The following C1orf21 variants were observed in gnomAD, a reference collection of about 807,000 sequenced individuals.
C1orf21 encodes uncharacterized protein C1orf21.
A neutral mutation model predicts 18.7 loss-of-function variants in C1orf21; 3 were observed. The ratio of observed to expected loss-of-function variants is 0.16; its 90% CI spans 0.07 to 0.42. The LOEUF is 0.42. C1orf21 is among the 10% of genes least tolerant of loss of function. The pLI is 0.99. For synonymous variants in C1orf21, 41 were observed against 46.4 expected (o/e 0.88, Z 0.47); for missense variants, 104 against 143.6 (o/e 0.72, Z 1.41).
chr1:184,487,152 T>A (rs1657744712), intron 2 of C1orf21, among the ~76,000 whole-genome samples: 1 of 152,214 alleles, frequency 6.6e-6, no homozygotes, highest in Admixed American at 6.5e-5. Context: ...CACTACAGAT[T>A]CAGACATTCA....
intron 1 of C1orf21, among the ~76,000 whole-genome samples, chr1:184,398,030 G>A (rs10797964): frequency 0.55 from 83,924 of 151,904 alleles, 26,334 homozygotes; most frequent in African/African-American, 0.88. Context: ...CCACTGAGAG[G>A]GTCAAGGAGA....
intron 2 of C1orf21, among the ~76,000 whole-genome samples, chr1:184,504,261 G>T (rs1200317340): frequency 1.3e-5 from 2 of 152,128 alleles, no homozygotes; most frequent in Non-Finnish European, 2.9e-5. Context: ...GAAAAATTGG[G>T]AACAGGTGCA....
At chr1:184,435,661 C>G (rs1262116172) in intron 1 of C1orf21, among the ~76,000 whole-genome samples, 1 of 152,058 alleles carries the variant, frequency 6.6e-6, no homozygotes, top group Non-Finnish European at 1.5e-5. Context: ...GTATTTGAAG[C>G]AAGAGACTGG....
intron 1 of C1orf21, among the ~76,000 whole-genome samples, chr1:184,402,012 T>A (rs1013310169): frequency 6.6e-6 from 1 of 152,244 alleles, no homozygotes; most frequent in African/African-American, 2.4e-5. Flanking sequence ...TTAGGTTTCA[T>A]AAAATTTACA....
intron 1 of C1orf21, among the ~76,000 whole-genome samples, chr1:184,470,643 C>T (rs890093863): frequency 1.1e-4 from 16 of 152,134 alleles, no homozygotes; most frequent in African/African-American, 3.9e-4. Flanking sequence ...CTTTGGGAGG[C>T]CAAGATGGGA....
chr1:184,474,940 G>C (rs949414544), intron 1 of C1orf21, among the ~76,000 whole-genome samples: 1 of 152,142 alleles, frequency 6.6e-6, no homozygotes, highest in Non-Finnish European at 1.5e-5. Flanking sequence ...CCCTGAGAAG[G>C]TGCTGGCTGG....
intron 1 of C1orf21, among the ~76,000 whole-genome samples, chr1:184,428,511 A>G (rs1308922083): frequency 6.6e-6 from 1 of 152,208 alleles, no homozygotes; most frequent in Non-Finnish European, 1.5e-5. Flanking sequence ...GGCTGGTCAC[A>G]CTTCATGTTG....
At chr1:184,573,126 T>C (rs941947441) in intron 3 of C1orf21, among the ~76,000 whole-genome samples, 3 of 152,194 alleles carry the variant, frequency 2.0e-5, no homozygotes, top group African/African-American at 7.2e-5. Flanking sequence ...TCATTATTGC[T>C]GTATGTCATT....
intron 3 of C1orf21, chr1:184,567,894 C>T (rs1291206654): frequency 5.1e-6 from 1 of 197,014 alleles, no homozygotes; most frequent in African/African-American, 2.4e-5. Flanking sequence ...AATCTTGAGA[C>T]AATCAGGCAT....
chr1:184,535,614 G>GA (rs1428529237), intron 3 of C1orf21, among the ~76,000 whole-genome samples: 2 of 152,158 alleles, frequency 1.3e-5, no homozygotes, highest in Admixed American at 6.5e-5. Flanking sequence ...TCATTTCTAT[G>GA]AAAAAGTTAA....
At chr1:184,411,573 C>T (rs1571345804) in intron 1 of C1orf21, among the ~76,000 whole-genome samples, 2 of 151,968 alleles carry the variant, frequency 1.3e-5, no homozygotes, top group East Asian at 1.9e-4. Flanking sequence ...AGGCGCCCGC[C>T]ATCACGCCTG....
rs1397152420 is a variant in C1orf21 at position 184,622,347 on chromosome 1, T to A, written c.*2791T>A. Reference sequence around the variant, plus strand: ...TGAAATTGGAAATCCAGCTGCCTAGTGGCCAGTGGGTGGGGCAAGACTGTC... The same window carrying A: ...TGAAATTGGAAATCCAGCTGCCTAGAGGCCAGTGGGTGGGGCAAGACTGTC... On this transcript the variant is annotated 3_prime_UTR_variant, in exon 6 of 6. Transcript: ENST00000235307. 1 of 152,436 alleles carries A rather than the reference T, an allele frequency of 6.6e-6. No homozygotes were observed. Among genetic ancestry groups the A allele is most frequent in the Non-Finnish European group, 1.5e-5 (1 of 68,088 alleles). 9.4% of individuals were successfully genotyped at this position (152,436 alleles called of 1,614,324 possible).
At chr1:184,610,086 G>C (rs980419101) in intron 5 of C1orf21, among the ~76,000 whole-genome samples, 1 of 152,182 alleles carries the variant, frequency 6.6e-6, no homozygotes, top group Non-Finnish European at 1.5e-5. Context: ...CTGTTCTCTG[G>C]GGCAGGGCAG....
At position 184,477,463 on chromosome 1, in the gene C1orf21, A is replaced by C; in HGVS notation, c.-47A>C. On this transcript the variant is annotated 5_prime_UTR_variant, in exon 2 of 6. It removes the in-frame stop codon of an upstream open reading frame in the 5' UTR. Transcript: ENST00000235307. ...AGAAAAAAAATGTCCCTGTGTCTGTAGAGATGATTTGCAGTTCAGCCCGGC... is the reference window on the plus strand; with the variant it reads ...AGAAAAAAAATGTCCCTGTGTCTGTCGAGATGATTTGCAGTTCAGCCCGGC... The C allele has an allele frequency of 5.3e-6, 8 of 1,504,110 alleles. No individual in the cohort carries two copies. The highest frequency in any genetic ancestry group is 7.4e-6 in the Non-Finnish European group (8 of 1,086,836). 93.2% of individuals were successfully genotyped at this position (1,504,110 alleles called of 1,614,324 possible).
At chr1:184,592,603 C>G (rs1302235685) in intron 4 of C1orf21, among the ~76,000 whole-genome samples, 1 of 152,174 alleles carries the variant, frequency 6.6e-6, no homozygotes, top group Non-Finnish European at 1.5e-5. Flanking sequence ...GTACCGATGA[C>G]ACTGGTACAT....
chr1:184,553,656 C>T (rs1042303393), intron 3 of C1orf21, among the ~76,000 whole-genome samples: 1 of 152,182 alleles, frequency 6.6e-6, no homozygotes, highest in African/African-American at 2.4e-5. Flanking sequence ...TCATGTTCTG[C>T]TGAGACCCAA....
chr1:184,399,861 AT>A (rs1656121525), intron 1 of C1orf21, among the ~76,000 whole-genome samples: 1 of 152,148 alleles, frequency 6.6e-6, no homozygotes, highest in South Asian at 2.1e-4. Context: ...CCTAGCTGGA[AT>A]TTTTCTCTCA....
At chr1:184,571,314 A>AAAAAG (rs1558005496) in intron 3 of C1orf21, among the ~76,000 whole-genome samples, 1 of 151,540 alleles carries the variant, frequency 6.6e-6, no homozygotes, top group East Asian at 1.9e-4. Flanking sequence ...AAAAAAAAAA[A>AAAAAG]AAAAGAAAAG....
chr1:184,536,047 G>A (rs1658545217), intron 3 of C1orf21, among the ~76,000 whole-genome samples: 1 of 152,184 alleles, frequency 6.6e-6, no homozygotes, highest in Non-Finnish European at 1.5e-5. Context: ...AGGAATTGCA[G>A]AAAGAAGATT....
Sources: allele counts gnomAD v4.1 joint callset (sites outside exome capture counted in the v4.1 genomes callset), GRCh38; gene constraint gnomAD v4.1.1; transcripts MANE v1.5; gene names NCBI Gene and HGNC (gene_info 2026-07-23, HGNC 2026-07-21).